The following SATB2 variants were observed in gnomAD, a reference collection of about 807,000 sequenced individuals.
SATB2 encodes the protein SATB homeobox 2.
In SATB2, 1 loss-of-function variant was observed where a neutral mutation model predicts 73.4. The ratio of observed to expected loss-of-function variants is 0.01; its 90% confidence interval spans 0.00 to 0.06. SATB2 has a LOEUF of 0.06. Among genes scored for constraint, SATB2 ranks in the 10% least tolerant of loss-of-function variants. The pLI is 1.00. For missense variants in SATB2, 459 were observed against 945.8 expected, an observed-to-expected ratio of 0.49 and a Z score of 6.75; for synonymous variants, 397 against 367.0, an observed-to-expected ratio of 1.08 and a Z score of -0.93.
rs1002540727 is a variant in SATB2, at chr2:199,399,519, T to C, written c.347-17699A>G. ...AAATCCTACAATATATGTATTAGTCTGTCCTCACATTGCTACAAAGAAATA... is the reference window on the plus strand; with the variant it reads ...AAATCCTACAATATATGTATTAGTCCGTCCTCACATTGCTACAAAGAAATA... On this transcript the variant is annotated intron_variant, in intron 3 of 10. Transcript: ENST00000417098. 2.0e-5 allele frequency among the ~76,000 whole-genome samples: 3 copies of C among 152,292 alleles called. No individual in the cohort carries two copies. In the East Asian group the frequency reaches 5.8e-4, roughly 29 times the overall value.
chr2:199,425,106 G>A (rs1205892553), intron 3 of SATB2, among the ~76,000 whole-genome samples: 1 of 152,122 alleles, frequency 6.6e-6, no homozygotes, highest in African/African-American at 2.4e-5. Flanking sequence ...AATTAAACAT[G>A]ATATATATCA....
At chr2:199,275,920 C>A (rs370151386) in intron 10 of SATB2, among the ~76,000 whole-genome samples, 1 of 152,212 alleles carries the variant, frequency 6.6e-6, no homozygotes, top group East Asian at 1.9e-4. Flanking sequence ...GCTATAAGTC[C>A]CTTTCAACCG....
chr2:199,406,466 G>A (rs989615719), intron 3 of SATB2, among the ~76,000 whole-genome samples: 1 of 152,124 alleles, frequency 6.6e-6, no homozygotes, highest in Non-Finnish European at 1.5e-5. Flanking sequence ...AAAGCCCAGT[G>A]AAATATCAGC....
At chr2:199,316,667 G>A (rs897211272) in intron 9 of SATB2, among the ~76,000 whole-genome samples, 2 of 151,952 alleles carry the variant, frequency 1.3e-5, no homozygotes, top group East Asian at 1.9e-4. Flanking sequence ...ACCTCTGCTG[G>A]GCTCAAGTCA....
intron 3 of SATB2, among the ~76,000 whole-genome samples, chr2:199,401,402 G>T (rs896016925): frequency 2.0e-5 from 3 of 150,736 alleles, no homozygotes; most frequent in Non-Finnish European, 1.5e-5. Context: ...AAAAAAAAAA[G>T]ATTAGCCAGG....
intron 7 of SATB2, among the ~76,000 whole-genome samples, chr2:199,330,964 G>A (rs1362237453): frequency 6.6e-6 from 1 of 151,790 alleles, no homozygotes; most frequent in Non-Finnish European, 1.5e-5. Flanking sequence ...GGAGTTTTAG[G>A]GTCAACACGG....
At chr2:199,335,249 C>T (rs763241888) in intron 7 of SATB2, among the ~76,000 whole-genome samples, 1 of 152,056 alleles carries the variant, frequency 6.6e-6, no homozygotes, top group Non-Finnish European at 1.5e-5. Context: ...ATGCATGTGG[C>T]ATTTTTGTCG....
Position 199,308,916 on chromosome 2 carries a change from G to A in SATB2, c.1584C>T (p.Ser528=), listed in dbSNP as rs754985847. The A allele has an allele frequency of 6.2e-7, 1 of 1,614,190 alleles. No individual in the cohort carries two copies. The highest frequency in any genetic ancestry group is 1.7e-5 in the Admixed American group (1 of 60,026). ...CELLRWKENP[S]PENRTLWENL... Reference sequence around the variant, plus strand: ...TTTCCCAGAGGGTGCGGTTTTCTGGGCTTGGGTTCTCCTTCCAGCGGAGCA... The same window carrying A: ...TTTCCCAGAGGGTGCGGTTTTCTGGACTTGGGTTCTCCTTCCAGCGGAGCA... The change falls in exon 10 of 11, where the codon AGC becomes AGT. Residue 528 remains serine, a synonymous_variant. Coordinates refer to ENST00000417098, the MANE Select transcript of SATB2 (RefSeq NM_001172509.2). This position sits in a 1 kb window ranked among gnomAD's most constrained non-coding sequence, Gnocchi z 4.6.
At chr2:199,297,105 T>C (rs1042609934) in intron 10 of SATB2, among the ~76,000 whole-genome samples, 1 of 152,254 alleles carries the variant, frequency 6.6e-6, no homozygotes, top group Non-Finnish European at 1.5e-5. Flanking sequence ...TTGTTTCTAT[T>C]ATATAAGAAA....
chr2:199,356,225 C>CAAA (rs200509001), intron 6 of SATB2, among the ~76,000 whole-genome samples: 41 of 100,940 alleles, frequency 4.1e-4, no homozygotes, highest in African/African-American at 8.7e-4. Flanking sequence ...GAACATAAGC[C>CAAA]AAAAAAAAAA....
intron 5 of SATB2, among the ~76,000 whole-genome samples, chr2:199,376,925 T>G (rs1490060718): frequency 6.6e-6 from 1 of 152,124 alleles, no homozygotes; most frequent in Admixed American, 6.5e-5. Flanking sequence ...AGCAAGCAAG[T>G]GTCAAACTGA....
intron 5 of SATB2, among the ~76,000 whole-genome samples, chr2:199,372,685 C>T (rs1689485233): frequency 6.6e-6 from 1 of 152,124 alleles, no homozygotes; most frequent in African/African-American, 2.4e-5. Flanking sequence ...AAACATTCAC[C>T]ACCACCTCCA....
chr2:199,413,403 G>C (rs1457154208), intron 3 of SATB2, among the ~76,000 whole-genome samples: 1 of 152,106 alleles, frequency 6.6e-6, no homozygotes, highest in African/African-American at 2.4e-5. Flanking sequence ...CTAAAATGGA[G>C]ACTGCTCTCT....
chr2:199,462,278 G>A (rs549800687), upstream of SATB2, among the ~76,000 whole-genome samples: 4 of 152,324 alleles, frequency 2.6e-5, no homozygotes, highest in African/African-American at 9.6e-5. This position sits in a 1 kb window ranked among gnomAD's most constrained non-coding sequence, Gnocchi z 5.9. Context: ...GAGGGCGGGA[G>A]GGAATCATTT....
upstream of SATB2, chr2:199,468,921 T>A (rs1263901367): frequency 6.6e-6 from 1 of 152,336 alleles, no homozygotes; most frequent in Non-Finnish European, 1.5e-5. Context: ...TGGAATCTGG[T>A]AAGTTTCAGA....
At chr2:199,411,905 ATAACCTCAATTGTAATTGAATC>A (rs1347989664) in intron 3 of SATB2, among the ~76,000 whole-genome samples, 1 of 152,240 alleles carries the variant, frequency 6.6e-6, no homozygotes, top group East Asian at 1.9e-4. Context: ...TCCCAGGCTG[ATAACCTCAATTGTAATTGAATC>A]TTAAGTTTCT....
chr2:199,309,261 T>G (rs1471985750), intron 9 of SATB2, among the ~76,000 whole-genome samples: 3 of 152,238 alleles, frequency 2.0e-5, no homozygotes, highest in African/African-American at 7.2e-5. Flanking sequence ...TCAGAAAAAG[T>G]AATTTGTGTC....
chr2:199,350,338 GT>G (rs1439784909), intron 6 of SATB2, among the ~76,000 whole-genome samples: 1 of 151,178 alleles, frequency 6.6e-6, no homozygotes, highest in Admixed American at 6.6e-5. Context: ...CAGAATCATG[GT>G]TTTATAAAAA....
intron 2 of SATB2, among the ~76,000 whole-genome samples, chr2:199,435,890 A>G (rs1320819325): frequency 6.6e-6 from 1 of 152,210 alleles, no homozygotes; most frequent in Non-Finnish European, 1.5e-5. Flanking sequence ...TAACTCTTAC[A>G]TGCTGGCATA....
Sources: allele counts gnomAD v4.1 joint callset (sites outside exome capture counted in the v4.1 genomes callset), GRCh38; gene constraint gnomAD v4.1.1; non-coding constraint Gnocchi (gnomAD v3.1); transcripts MANE v1.5; gene names NCBI Gene and HGNC (gene_info 2026-07-23, HGNC 2026-07-21).